Variants in DMTN observed in about 807,000 individuals in gnomAD.
DMTN encodes the protein dematin.
DMTN carries 27 observed loss-of-function variants against 59.4 expected under a neutral mutation model. The observed-to-expected ratio is 0.45, with a 90% CI of 0.33 to 0.63. The LOEUF (loss-of-function observed/expected upper bound fraction) is 0.63, where lower values mean the gene tolerates loss of function less well. Ranked by LOEUF, DMTN falls within the 20% of genes least tolerant of loss-of-function variation. The pLI is 0.02. For missense variants in DMTN, 451 were observed against 528.9 expected (o/e 0.85, Z 1.45); for synonymous variants, 221 against 203.7 (o/e 1.08, Z -0.72).
In DMTN at chr8:22,081,470, C is replaced by T. The variant is rs1162081082; in HGVS notation, c.*7C>T. Reference sequence around the variant, plus strand: ...GAAGGCCTCTCTCTTCTGATGGCCCCCACCTGCTCCGGGACGGCCCCCTTA... The same window carrying T: ...GAAGGCCTCTCTCTTCTGATGGCCCTCACCTGCTCCGGGACGGCCCCCTTA... On this transcript the variant is annotated 3_prime_UTR_variant, in exon 16 of 16. Coordinates refer to ENST00000358242, the MANE Select transcript of DMTN (RefSeq NM_001387751.1). 6.2e-7 allele frequency: 1 copy of T among 1,613,314 alleles called. No individual in the cohort carries two copies. The highest frequency in any genetic ancestry group is 8.5e-7 in the Non-Finnish European group (1 of 1,179,282).
chr8:22,073,014 T>A (rs1433529704), intron 9 of DMTN, among the ~76,000 whole-genome samples: 1 of 152,094 alleles, frequency 6.6e-6, no homozygotes, highest in Non-Finnish European at 1.5e-5. Flanking sequence ...GCAGCCTGAG[T>A]GATCCATGGG....
chr8:22,079,273 AATAAAT>A (rs1348538328), intron 10 of DMTN, among the ~76,000 whole-genome samples: 3,297 of 28,522 alleles, frequency 0.12, 94 homozygotes, highest in Middle Eastern at 0.18. Context: ...TAAATAAATA[AATAAAT>A]ATATATATAT....
At chr8:22,073,931 C>A in intron 10 of DMTN, 96 bp downstream of exon 10, 2 of 987,486 alleles carry the variant, frequency 2.0e-6, no homozygotes, top group Non-Finnish European at 3.2e-6. Flanking sequence ...GATGCAATCC[C>A]TGACCCAAAG....
chr8:22,069,609 G>T lies in DMTN; in HGVS notation c.394+91G>T, dbSNP rs911609992. 136 of 1,166,186 alleles carry T rather than the reference G, an allele frequency of 1.2e-4. 1 individual carries two copies. The East Asian group carries it at 3.4e-3, about 29-fold the overall frequency. 72.2% of individuals were successfully genotyped at this position (1,166,186 alleles called of 1,614,324 possible). On this transcript the variant is annotated intron_variant, in intron 6 of 15. Coordinates refer to ENST00000358242, the MANE Select transcript of DMTN (RefSeq NM_001387751.1). ...TACGCTCAGTCCCCCACTCTCTGGG[G>T]TATATGCTCGCCTCAGGGCTAAGTA... is the stretch of plus-strand genomic sequence containing the variant.
chr8:22,066,067 C>G (rs1194728123), intron 1 of DMTN, among the ~76,000 whole-genome samples: 2 of 152,064 alleles, frequency 1.3e-5, no homozygotes, highest in East Asian at 3.9e-4. Flanking sequence ...TAGTCTCGAA[C>G]GCCTGGGTTC....
intron 15 of DMTN, 73 bp from the exon 16 acceptor site, chr8:22,081,277 G>A: frequency 6.3e-7 from 1 of 1,594,168 alleles, no homozygotes; most frequent in South Asian, 1.1e-5. Context: ...GCCTCTATGA[G>A]TGAGTGTCCC....
chr8:22,052,533 C>A (rs1485015196), upstream of DMTN, among the ~76,000 whole-genome samples: 2 of 152,100 alleles, frequency 1.3e-5, no homozygotes, highest in African/African-American at 4.8e-5. Flanking sequence ...TGTGCTAATC[C>A]TTCTGTTAAT....
chr8:22,069,621 C>G, intron 6 of DMTN, 103 bp downstream of exon 6: 1 of 1,098,652 alleles, frequency 9.1e-7, no homozygotes, highest in South Asian at 1.6e-5. Context: ...ATATGCTCGC[C>G]TCAGGGCTAA....
chr8:22,051,092 C>G (rs1287268189), upstream of DMTN, among the ~76,000 whole-genome samples: 1 of 152,164 alleles, frequency 6.6e-6, no homozygotes, highest in Non-Finnish European at 1.5e-5. Flanking sequence ...GCGCCTGGGT[C>G]TATGCAGGTG....
upstream of DMTN, among the ~76,000 whole-genome samples, chr8:22,050,748 C>CCTGGGTCT (rs906669502): frequency 2.7e-3 from 413 of 151,396 alleles, 1 homozygote; most frequent in African/African-American, 9.2e-3. Flanking sequence ...CTGCTCCCGC[C>CCTGGGTCT]CTGGGTCTCT....
chr8:22,050,280 T>C (rs1221438151), upstream of DMTN, among the ~76,000 whole-genome samples: 1 of 151,070 alleles, frequency 6.6e-6, no homozygotes, highest in African/African-American at 2.4e-5. Context: ...CCCCCAGGTG[T>C]AGAAGACTGG....
At chr8:22,073,630 CAAAAAAAAAAAA>C (rs143269534) in intron 9 of DMTN, 88 bp from the exon 10 acceptor site, 124 of 608,698 alleles carry the variant, frequency 2.0e-4, no homozygotes, top group African/African-American at 2.2e-4. Flanking sequence ...GACCCTGTCT[CAAAAAAAAAAAA>C]AAAAAAAAAA....
At chr8:22,052,296 C>T (rs1801434398), upstream of DMTN, among the ~76,000 whole-genome samples, 1 of 152,244 alleles carries the variant, frequency 6.6e-6, no homozygotes, top group Non-Finnish European at 1.5e-5. Flanking sequence ...TCCTCCCCGA[C>T]AGTGCCCAGC....
At chr8:22,076,680 T>C (rs1419725057) in intron 10 of DMTN, among the ~76,000 whole-genome samples, 2 of 152,050 alleles carry the variant, frequency 1.3e-5, no homozygotes, top group African/African-American at 4.8e-5. Flanking sequence ...GTGACATATA[T>C]ATATAGTGAC....
rs369034903 is a variant in DMTN, at chr8:22,080,137, A to G, written c.836-43A>G. 10 of 1,612,130 alleles carry G rather than the reference A, an allele frequency of 6.2e-6. No individual in the cohort carries two copies. In the African/African-American group the frequency reaches 1.2e-4, roughly 19 times the overall value. On this transcript the variant is annotated intron_variant, in intron 10 of 15. Coordinates refer to ENST00000358242, the MANE Select transcript of DMTN (RefSeq NM_001387751.1). ...GGTTGCTGTCTCAGGAAGGGCTGTC[A>G]GGGCCAAAGGGACTGAACTCAGGAC...
In DMTN at chr8:22,080,700, G is replaced by A; in HGVS notation, c.957+75G>A. On this transcript the variant is annotated intron_variant, in intron 13 of 15. Coordinates refer to ENST00000358242, the MANE Select transcript of DMTN (RefSeq NM_001387751.1). ...GGCACCCGAAAGTGTCAGGGGAAGG[G>A]GGGTGTGGGGCCACAGAGTTGCCTG... 5 of 1,582,574 alleles carry A rather than the reference G, an allele frequency of 3.2e-6. No homozygotes were observed. In the Admixed American group the frequency reaches 5.6e-5, roughly 18 times the overall value.
In DMTN at chr8:22,067,140, G is replaced by A. The variant is rs147579090; in HGVS notation, c.74G>A (p.Gly25Asp). The change falls in exon 3 of 16, where the codon GGC (glycine) becomes GAC (aspartate). Residue 25 changes from glycine (G) to aspartate (D), a missense_variant. Physicochemically the swap from Gly to Asp is moderately conservative, Grantham distance 94. Coordinates refer to ENST00000358242, the MANE Select transcript of DMTN (RefSeq NM_001387751.1). ...VSPSRDSSVPGSPSSIVAKMD... is the reference protein window; with the variant it reads ...VSPSRDSSVPDSPSSIVAKMD... The stretch of plus-strand genomic sequence containing the variant: ...CCCTCCCGAGATTCCAGTGTGCCTG[G>A]CTCTCCCTCCAGCATCGTGGTGAGT... 323 of 1,608,432 alleles carry A rather than the reference G, an allele frequency of 2.0e-4. No individual in the cohort carries two copies. The highest frequency in any genetic ancestry group is 2.5e-4 in the Non-Finnish European group (292 of 1,177,776).
intron 1 of DMTN, among the ~76,000 whole-genome samples, chr8:22,063,404 C>A (rs1029978771): frequency 6.6e-6 from 1 of 152,202 alleles, no homozygotes; most frequent in Non-Finnish European, 1.5e-5. Flanking sequence ...CCACCAGATT[C>A]ATTTTCCCAA....
At chr8:22,079,273 A>ATATATGTATATATATATATATATAT (rs1554562329) in intron 10 of DMTN, among the ~76,000 whole-genome samples, 1 of 28,570 alleles carries the variant, frequency 3.5e-5, no homozygotes, top group African/African-American at 1.0e-4. Context: ...TAAATAAATA[A>ATATATGTATATATATATATATATAT]ATAAATATAT....
Sources: allele counts gnomAD v4.1 joint callset (sites outside exome capture counted in the v4.1 genomes callset), GRCh38; gene constraint gnomAD v4.1.1; transcripts MANE v1.5; gene names NCBI Gene and HGNC (gene_info 2026-07-23, HGNC 2026-07-21).